Variants in FMN2 observed in about 807,000 individuals in gnomAD.
FMN2 encodes the protein formin 2.
In FMN2, 51 loss-of-function variants were observed where a neutral mutation model predicts 142.3. The observed-to-expected ratio is 0.36, with a 90% CI of 0.29 to 0.45. The LOEUF (loss-of-function observed/expected upper bound fraction) is 0.45. FMN2 is among the 20% of genes least tolerant of loss of function. FMN2 has a pLI of 1.00. For missense variants in FMN2, 1,936 were observed against 2,122.8 expected (o/e 0.91, Z 1.73); for synonymous variants, 882 against 869.8 (o/e 1.01, Z -0.25).
intron 13 of FMN2, among the ~76,000 whole-genome samples, chr1:240,345,262 T>A (rs1368215609): frequency 1.3e-5 from 2 of 152,194 alleles, no homozygotes; most frequent in Non-Finnish European, 2.9e-5. Context: ...ATGTTAAATA[T>A]GAGAGTGTAA....
intron 8 of FMN2, among the ~76,000 whole-genome samples, chr1:240,295,517 A>G (rs1669942235): frequency 6.6e-6 from 1 of 151,568 alleles, no homozygotes; most frequent in South Asian, 2.1e-4. Context: ...TAGATTCCTT[A>G]TTTGTCTTTC....
chr1:240,315,539 T>C (rs1670753814), intron 8 of FMN2, among the ~76,000 whole-genome samples: 1 of 152,160 alleles, frequency 6.6e-6, no homozygotes, highest in Non-Finnish European at 1.5e-5. Flanking sequence ...ATTACATGAG[T>C]ATTTGGCTCT....
intron 16 of FMN2, among the ~76,000 whole-genome samples, chr1:240,440,994 CT>C (rs11358093): frequency 0.22 from 27,608 of 126,874 alleles, 2,008 homozygotes; most frequent in African/African-American, 0.26. Context: ...TTGGTGTAAA[CT>C]TTTTTTTTTT....
chr1:240,332,561 CT>C (rs1359645127), intron 11 of FMN2, among the ~76,000 whole-genome samples: 1 of 151,930 alleles, frequency 6.6e-6, no homozygotes, highest in Non-Finnish European at 1.5e-5. Context: ...ATTTGTGGGA[CT>C]TTTTTGGTAT....
intron 7 of FMN2, among the ~76,000 whole-genome samples, chr1:240,282,796 T>G (rs1542400): frequency 0.63 from 95,100 of 152,140 alleles, 31,433 homozygotes; most frequent in African/African-American, 0.85. Context: ...CTTCCTTCCT[T>G]TGAAATATGA....
At chr1:240,146,161 A>C (rs1663459863) in intron 2 of FMN2, among the ~76,000 whole-genome samples, 1 of 151,646 alleles carries the variant, frequency 6.6e-6, no homozygotes, top group Non-Finnish European at 1.5e-5. Flanking sequence ...AGGTGGGCAG[A>C]TCACGAGGTC....
chr1:240,218,706 G>GC lies in FMN2; in HGVS notation c.4065+7476dup, dbSNP rs546847791. Among the ~76,000 whole-genome samples the GC allele has an allele frequency of 4.9e-3, 752 of 152,184 alleles. 5 individuals are homozygous for GC. The highest frequency in any genetic ancestry group is 0.016 in the African/African-American group (676 of 41,516). On this transcript the variant is annotated intron_variant, in intron 6 of 17. Coordinates refer to ENST00000319653, the MANE Select transcript of FMN2 (RefSeq NM_020066.5). The stretch of plus-strand genomic sequence containing the variant: ...CTAAACAGTGAACACTTTCACTGTT[G>GC]CCCCCTTTTTTGATCCGATGACAGC...
intron 15 of FMN2, chr1:240,400,782 T>A (rs1393853244): frequency 1.3e-5 from 2 of 152,014 alleles, no homozygotes; most frequent in African/African-American, 2.4e-5. Context: ...TGGCCAAGAC[T>A]TTCTTTACTT....
intron 3 of FMN2, chr1:240,180,230 A>T: frequency 8.3e-7 from 1 of 1,203,036 alleles, no homozygotes; most frequent in Non-Finnish European, 1.1e-6. Flanking sequence ...TTGATCTATA[A>T]ACCCCAGCAG....
At chr1:240,175,511 T>C (rs1234470082) in intron 2 of FMN2, among the ~76,000 whole-genome samples, 1 of 152,168 alleles carries the variant, frequency 6.6e-6, no homozygotes, top group East Asian at 1.9e-4. Flanking sequence ...GTTGTTGTTG[T>C]TTTGGATAGG....
intron 2 of FMN2, chr1:240,154,839 T>TCCTTCCTTCCTTCCTC (rs1302857288): frequency 3.0e-5 from 4 of 135,440 alleles, no homozygotes; most frequent in African/African-American, 5.2e-5. Flanking sequence ...CTTCCTTCCT[T>TCCTTCCTTCCTTCCTC]CCTTCCCTCC....
At chr1:240,149,270 G>A (rs1036004850) in intron 2 of FMN2, among the ~76,000 whole-genome samples, 1 of 152,122 alleles carries the variant, frequency 6.6e-6, no homozygotes, top group African/African-American at 2.4e-5. Context: ...ATTATGTAAT[G>A]CACATACAGA....
At position 240,387,854 on chromosome 1, in the gene FMN2, C is replaced by G. The variant is rs192699578; in HGVS notation, c.4859-4657C>G. Among the ~76,000 whole-genome samples the G allele has an allele frequency of 2.3e-3, 356 of 152,096 alleles. 1 individual carries two copies. Among genetic ancestry groups the G allele is most frequent in the African/African-American group, 8.4e-3 (347 of 41,494 alleles). ...AGACAGGAAGAGGATGACTAGACAC[C>G]AGGTGATTTATACATTATCTTATTA... On this transcript the variant is annotated intron_variant, in intron 14 of 17. Transcript: ENST00000319653.
At chr1:240,243,110 C>A (rs1667967040) in intron 6 of FMN2, among the ~76,000 whole-genome samples, 1 of 151,830 alleles carries the variant, frequency 6.6e-6, no homozygotes, top group South Asian at 2.1e-4. Flanking sequence ...TGCAGTCTTC[C>A]TTGGTTGCGG....
At chr1:240,232,849 A>T (rs537610694) in intron 6 of FMN2, among the ~76,000 whole-genome samples, 1 of 152,064 alleles carries the variant, frequency 6.6e-6, no homozygotes, top group African/African-American at 2.4e-5. Context: ...CCGCTAGGCC[A>T]CCCAGGACTT....
At chr1:240,223,645 A>G (rs956968157) in intron 6 of FMN2, among the ~76,000 whole-genome samples, 10 of 152,304 alleles carry the variant, frequency 6.6e-5, no homozygotes, top group African/African-American at 2.2e-4. Flanking sequence ...GCTAGCAATT[A>G]CTGCCTCGTT....
At chr1:240,472,502 C>G in intron 17 of FMN2, 49 bp downstream of exon 17, 1 of 1,258,524 alleles carries the variant, frequency 7.9e-7, no homozygotes. Context: ...CTTTTAAATC[C>G]TATTTTCATA....
rs1671301450 is a variant in FMN2, at chr1:240,329,321, T to C, written c.4308-18T>C. 6.2e-7 allele frequency: 1 copy of C among 1,607,398 alleles called. No homozygotes were observed. Among genetic ancestry groups the C allele is most frequent in the Admixed American group, 1.7e-5 (1 of 58,164 alleles). ...TGTGAATTATATTTTTCTTCTTAACTTGGCTTTATTTCCTTAGGTTCCTTT... is the reference window on the plus strand; with the variant it reads ...TGTGAATTATATTTTTCTTCTTAACCTGGCTTTATTTCCTTAGGTTCCTTT... On this transcript the variant is annotated intron_variant, in intron 9 of 17. Transcript: ENST00000319653.
intron 2 of FMN2, among the ~76,000 whole-genome samples, chr1:240,166,152 A>C (rs1664473069): frequency 6.7e-6 from 1 of 148,916 alleles, no homozygotes; most frequent in South Asian, 2.1e-4. Context: ...GTATATAAAT[A>C]TAAAATATAT....
Sources: gnomAD v4.1 joint callset for allele counts (sites outside exome capture counted in the v4.1 genomes callset) on GRCh38, gnomAD v4.1.1 for gene constraint, MANE v1.5 for transcripts, NCBI Gene and HGNC (gene_info 2026-07-23, HGNC 2026-07-21) for gene names.